Variants in ASMTL observed in about 807,000 individuals in gnomAD.
ASMTL encodes the protein acetylserotonin O-methyltransferase like.
Under a neutral mutation model 60.3 loss-of-function variants are expected in ASMTL, and 57 were observed. That is an observed-to-expected ratio of 0.95 (90% CI 0.76 to 1.18). The LOEUF (loss-of-function observed/expected upper bound fraction) is 1.18, where lower values mean the gene tolerates loss of function less well. Ranked by LOEUF, ASMTL falls within the 50% of genes most tolerant of loss-of-function variation. The pLI is 0.00. For missense variants in ASMTL, 981 were observed against 852.6 expected, an observed-to-expected ratio of 1.15 and a Z score of -1.88; for synonymous variants, 419 against 373.0, an observed-to-expected ratio of 1.12 and a Z score of -1.42.
chrX:1,411,473 C>T (rs773716564), intron 12 of ASMTL, among the ~76,000 whole-genome samples: 5 of 152,268 alleles, frequency 3.3e-5, no homozygotes, highest in South Asian at 4.2e-4. Flanking sequence ...GGCCCGAACC[C>T]CTGGAGCCAG....
At chrX:1,437,858 C>T (rs1603451578) in intron 3 of ASMTL, among the ~76,000 whole-genome samples, 2 of 149,230 alleles carry the variant, frequency 1.3e-5, no homozygotes, top group African/African-American at 5.0e-5. Context: ...GATCATGCCA[C>T]TACAGTCCAG....
At chrX:1,441,170 T>C (rs1210989059) in intron 2 of ASMTL, among the ~76,000 whole-genome samples, 1 of 152,196 alleles carries the variant, frequency 6.6e-6, no homozygotes, top group African/African-American at 2.4e-5. Flanking sequence ...TAAATGATAC[T>C]ATTATATTAA....
chrX:1,425,441 G>A (rs1440349740), intron 8 of ASMTL, 84 bp downstream of exon 8: 87 of 1,496,482 alleles, frequency 5.8e-5, no homozygotes, highest in Non-Finnish European at 7.3e-5. Flanking sequence ...CTCCTTCCTC[G>A]CTCTGCCCAG....
At position 1,418,016 on chromosome X, in the gene ASMTL, G is replaced by C. The variant is rs1168150372; in HGVS notation, c.1479C>G (p.Phe493Leu). ...GCACTGCCTGCGGTCCGGGGGGTTG[G>C]AAGTGGGCGGCCAGCTCGATAATGT... ...LPDIIELAAHFQPPGPQAVQI... is the reference protein window; with the variant it reads ...LPDIIELAAHLQPPGPQAVQI... The change falls in exon 11 of 13, where the codon TTC (phenylalanine) becomes TTG (leucine). Residue 493 changes from phenylalanine to leucine, a missense_variant. Physicochemically the swap from Phe to Leu is conservative, Grantham distance 22 (BLOSUM62 0). Transcript: ENST00000381317. The C allele has an allele frequency of 4.3e-6, 7 of 1,613,606 alleles. No individual in the cohort carries two copies. The East Asian group carries it at 1.1e-4, about 26-fold the overall frequency.
At position 1,427,859 on chromosome X, in the gene ASMTL, C is replaced by T. The variant is rs768576134; in HGVS notation, c.772G>A (p.Glu258Lys). ...CCCGCCTCTCCCGCCTCGGCCTTCT[C>T]ATCGCGGCTGCCCGCGTCCCTCTGA... The part of the protein sequence containing the change: ...PTQRDAGSRD[E>K]KAEAGEAGQA... Residue 258 changes from glutamate (E) to lysine (K), a missense_variant, in exon 7 of 13, where the codon GAG (glutamate) becomes AAG (lysine). Transcript: ENST00000381317. The T allele has an allele frequency of 1.2e-6, 2 of 1,613,224 alleles. No homozygotes were observed. Among genetic ancestry groups the T allele is most frequent in the African/African-American group, 2.7e-5 (2 of 74,938 alleles).
chrX:1,419,160 G>C, intron 9 of ASMTL, 46 bp from the exon 10 acceptor site: 1 of 1,599,714 alleles, frequency 6.3e-7, no homozygotes. Context: ...CACGGGGCGA[G>C]GGCTCGCCCA....
chrX:1,440,935 G>A (rs1325902282), intron 2 of ASMTL, among the ~76,000 whole-genome samples: 5 of 151,768 alleles, frequency 3.3e-5, no homozygotes, highest in African/African-American at 9.7e-5. Flanking sequence ...ATTCTATATC[G>A]TAACTGATAT....
At chrX:1,411,810 T>C (rs1363277993) in intron 12 of ASMTL, among the ~76,000 whole-genome samples, 6 of 96,094 alleles carry the variant, frequency 6.2e-5, no homozygotes, top group South Asian at 6.0e-4. Flanking sequence ...GATTTTCTTT[T>C]TTTTTTTTTT....
In ASMTL at chrX:1,425,548, C is replaced by T. The variant is rs1161799600; in HGVS notation, c.1037G>A (p.Gly346Glu). Residue 346 changes from glycine (G) to glutamate (E), a missense_variant, in exon 8 of 13, where the codon GGG (glycine) becomes GAG (glutamate). Transcript: ENST00000381317. ...ERLLDICAAMGLLEKTEQGYS... is the reference protein window; with the variant it reads ...ERLLDICAAMELLEKTEQGYS... ...ACCTTGCTCTGTCTTCTCCAGGAGC[C>T]CCATGGCAGCACAGATGTCCAGAAG... 9 of 1,613,084 alleles carry T rather than the reference C, an allele frequency of 5.6e-6. No homozygotes were observed. The highest frequency in any genetic ancestry group is 1.3e-5 in the African/African-American group (1 of 74,914).
At chrX:1,428,516 A>G (rs190118310) in intron 6 of ASMTL, among the ~76,000 whole-genome samples, 1 of 151,542 alleles carries the variant, frequency 6.6e-6, no homozygotes, top group Non-Finnish European at 1.5e-5. Context: ...GTGTGGTGGC[A>G]CACGCCTGTA....
chrX:1,428,065 A>G lies in ASMTL; in HGVS notation c.566T>C (p.Val189Ala). ...QALGGMLVES[V>A]HGDFLNVVGF... ...CACCACGTTCAGAAAGTCCCCGTGT[A>G]CGGACTCCACCAGCATGCCGCCCAG... Residue 189 changes from valine to alanine, a missense_variant, in exon 7 of 13, where the codon GTA becomes GCA. Physicochemically the swap from Val to Ala is moderately conservative, Grantham distance 64 (BLOSUM62 0). Coordinates refer to ENST00000381317, the MANE Select transcript of ASMTL (RefSeq NM_004192.4). The G allele has an allele frequency of 6.2e-7, 1 of 1,613,534 alleles. No individual in the cohort carries two copies. The highest frequency in any genetic ancestry group is 1.3e-5 in the African/African-American group (1 of 75,054).
intron 9 of ASMTL, among the ~76,000 whole-genome samples, chrX:1,421,449 A>G (rs1237870693): frequency 6.6e-6 from 1 of 152,094 alleles, no homozygotes; most frequent in Non-Finnish European, 1.5e-5. Context: ...CAGCTGCTGG[A>G]TAACAGTGGA....
At chrX:1,425,981 C>T (rs2090602149) in intron 7 of ASMTL, among the ~76,000 whole-genome samples, 1 of 152,132 alleles carries the variant, frequency 6.6e-6, no homozygotes, top group Admixed American at 6.5e-5. Context: ...ACTCCTAATC[C>T]CCCCAGTCCC....
chrX:1,433,238 C>T (rs1302762818), intron 5 of ASMTL, among the ~76,000 whole-genome samples: 8 of 152,060 alleles, frequency 5.3e-5, no homozygotes, highest in Non-Finnish European at 7.4e-5. Flanking sequence ...CCCTTTCATC[C>T]GCAGGGGACC....
chrX:1,421,742 G>A lies in ASMTL; in HGVS notation c.1161C>T (p.Leu387=), dbSNP rs1262943670. ...IMHNNDLTWN[L]FTYLEFAIRE... ...GGATGGCAAACTCCAGGTATGTAAAGAGGTTCCATGTGAGGTCATTATTGT... is the reference window on the plus strand; with the variant it reads ...GGATGGCAAACTCCAGGTATGTAAAAAGGTTCCATGTGAGGTCATTATTGT... The change falls in exon 9 of 13, where the codon CTC becomes CTT. Residue 387 remains leucine, a synonymous_variant. Transcript: ENST00000381317. 1 of 1,613,924 alleles carries A rather than the reference G, an allele frequency of 6.2e-7. No individual in the cohort carries two copies. The highest frequency in any genetic ancestry group is 1.1e-5 in the South Asian group (1 of 91,068).
At chrX:1,442,824 TG>T (rs2091136089) in intron 1 of ASMTL, among the ~76,000 whole-genome samples, 1 of 152,022 alleles carries the variant, frequency 6.6e-6, no homozygotes, top group Non-Finnish European at 1.5e-5. Context: ...ACACCGCCCC[TG>T]GGGAGGCCTG....
rs750753509 is a variant in ASMTL at position 1,418,001 on chromosome X, C to T, written c.1494G>A (p.Pro498=). The change falls in exon 11 of 13, where the codon CCG becomes CCA. Residue 498 remains proline, a synonymous_variant. Transcript: ENST00000381317. The part of the protein sequence containing the change: ...ELAAHFQPPG[P]QAVQIHFAAG... ...CTGCGAAGTGGATCTGCACTGCCTG[C>T]GGTCCGGGGGGTTGGAAGTGGGCGG... 1.6e-5 allele frequency: 26 copies of T among 1,612,572 alleles called. No homozygotes were observed. The highest frequency in any genetic ancestry group is 4.0e-5 in the African/African-American group (3 of 74,996).
intron 11 of ASMTL, among the ~76,000 whole-genome samples, chrX:1,416,661 G>A (rs748817804): frequency 6.6e-6 from 1 of 151,634 alleles, no homozygotes; most frequent in Non-Finnish European, 1.5e-5. Context: ...ACACCACAGA[G>A]AGTTGCACAC....
At chrX:1,443,331 A>ACGCCGCCATCGTGGACACACG (rs2091156401) in intron 1 of ASMTL, among the ~76,000 whole-genome samples, 1 of 45,066 alleles carries the variant, frequency 2.2e-5, no homozygotes, top group African/African-American at 4.4e-5. Flanking sequence ...TTGGACACAC[A>ACGCCGCCATCGTGGACACACG]CCGCCATCTT....
Sources: allele counts gnomAD v4.1 joint callset (sites outside exome capture counted in the v4.1 genomes callset), GRCh38; gene constraint gnomAD v4.1.1; transcripts MANE v1.5; gene names NCBI Gene and HGNC (gene_info 2026-07-23, HGNC 2026-07-21).